CDH12: variants seen among roughly 807,000 people sequenced by gnomAD.
CDH12 encodes cadherin 12.
In CDH12, 41 loss-of-function variants were observed where a neutral mutation model predicts 74.1. The ratio of observed to expected loss-of-function variants is 0.55; its 90% CI spans 0.43 to 0.72. The LOEUF (loss-of-function observed/expected upper bound fraction) is 0.72. Ranked by LOEUF, CDH12 falls within the 30% of genes least tolerant of loss-of-function variation. The pLI, the probability that CDH12 is intolerant of heterozygous loss-of-function variation, is 0.00. For missense variants in CDH12, 945 were observed against 977.2 expected, an observed-to-expected ratio of 0.97 and a Z score of 0.44; for synonymous variants, 399 against 355.0, an observed-to-expected ratio of 1.12 and a Z score of -1.39.
chr5:22,546,207 G>T (rs1738320544), intron 1 of CDH12, among the ~76,000 whole-genome samples: 1 of 152,070 alleles, frequency 6.6e-6, no homozygotes, highest in Non-Finnish European at 1.5e-5. Flanking sequence ...GCCTCCCAAA[G>T]TGCTGGGATT....
chr5:21,895,107 T>G (rs1753062442), intron 6 of CDH12, among the ~76,000 whole-genome samples: 1 of 151,886 alleles, frequency 6.6e-6, no homozygotes, highest in South Asian at 2.1e-4. Context: ...GCTGTTCAGC[T>G]GCGCTCACTA....
Position 21,776,192 on chromosome 5 carries a change from C to T in CDH12, c.1393+7166G>A, listed in dbSNP as rs577913440. Among the ~76,000 whole-genome samples, 5 of 152,262 alleles carry T rather than the reference C, an allele frequency of 3.3e-5. No homozygotes were observed. The East Asian group carries it at 5.8e-4, about 18-fold the overall frequency. ...TGTGGCTGGAAACTGAGGGCAGCTT[C>T]GGATCAAACAGCAGTGTGGAATAGT... is the stretch of plus-strand genomic sequence containing the variant. On this transcript the variant is annotated intron_variant, in intron 11 of 14. Transcript: ENST00000382254.
At chr5:22,690,713 C>T (rs1469952811) in intron 1 of CDH12, among the ~76,000 whole-genome samples, 1 of 152,274 alleles carries the variant, frequency 6.6e-6, no homozygotes, top group South Asian at 2.1e-4. Context: ...GCACAAATCA[C>T]TTAGTCCCTC....
At chr5:22,138,103 C>G (rs1746563499) in intron 4 of CDH12, among the ~76,000 whole-genome samples, 1 of 151,976 alleles carries the variant, frequency 6.6e-6, no homozygotes, top group African/African-American at 2.4e-5. Context: ...AAAGCTTGCT[C>G]CCTTTGTGGT....
chr5:22,081,490 T>C (rs1742724640), intron 4 of CDH12, among the ~76,000 whole-genome samples: 2 of 152,144 alleles, frequency 1.3e-5, no homozygotes, highest in Non-Finnish European at 2.9e-5. Flanking sequence ...GGGAGATAAA[T>C]ACAAGGAGAA....
intron 4 of CDH12, among the ~76,000 whole-genome samples, chr5:22,117,875 C>T (rs1262554525): frequency 1.3e-5 from 2 of 151,578 alleles, no homozygotes; most frequent in Non-Finnish European, 2.9e-5. Context: ...TTAGAGTAGA[C>T]TTAACATAGA....
chr5:22,498,592 C>T (rs1240750679), intron 2 of CDH12, among the ~76,000 whole-genome samples: 1 of 151,758 alleles, frequency 6.6e-6, no homozygotes, highest in Non-Finnish European at 1.5e-5. Context: ...CCAAATATGT[C>T]TGTTTACAAA....
In CDH12 at chr5:21,895,126, C is replaced by A. The variant is rs111311840; in HGVS notation, c.527-40336G>T. ...TTCAGCTGCGCTCACTATAAAGGGACAGTAGTAGCCTATAGCACAGAGAAG... is the reference window on the plus strand; with the variant it reads ...TTCAGCTGCGCTCACTATAAAGGGAAAGTAGTAGCCTATAGCACAGAGAAG... On this transcript the variant is annotated intron_variant, in intron 6 of 14. Transcript: ENST00000382254. Among the ~76,000 whole-genome samples, 825 of 151,846 alleles carry A rather than the reference C, an allele frequency of 5.4e-3. 13 individuals carry two copies. The highest frequency in any genetic ancestry group is 0.019 in the African/African-American group (795 of 41,376).
chr5:22,798,188 G>T (rs542375303), intron 1 of CDH12, among the ~76,000 whole-genome samples: 1 of 152,000 alleles, frequency 6.6e-6, no homozygotes. Context: ...GACTTCTTCA[G>T]GTAATTCAAA....
At chr5:21,780,714 A>C (rs1561178800) in intron 11 of CDH12, among the ~76,000 whole-genome samples, 1 of 152,218 alleles carries the variant, frequency 6.6e-6, no homozygotes, top group African/African-American at 2.4e-5. Context: ...CACTGGAGTG[A>C]AAGTAACATG....
intron 6 of CDH12, chr5:21,883,306 T>A (rs1475427034): frequency 1.9e-5 from 28 of 1,492,700 alleles, no homozygotes; most frequent in Non-Finnish European, 2.4e-5. Context: ...AAATGTGAAT[T>A]CCAGGATGCC....
chr5:21,831,318 GC>G (rs1749008771), intron 8 of CDH12, among the ~76,000 whole-genome samples: 1 of 152,058 alleles, frequency 6.6e-6, no homozygotes, highest in African/African-American at 2.4e-5. Flanking sequence ...AAAGTTTCTG[GC>G]CCCATCTCTC....
chr5:22,079,366 C>G (rs1332524383), intron 4 of CDH12, among the ~76,000 whole-genome samples: 1 of 152,076 alleles, frequency 6.6e-6, no homozygotes, highest in Non-Finnish European at 1.5e-5. Context: ...TGCCATATAT[C>G]CCCTAGGGGA....
At chr5:22,090,643 A>G (rs968430535) in intron 4 of CDH12, among the ~76,000 whole-genome samples, 10 of 151,538 alleles carry the variant, frequency 6.6e-5, no homozygotes, top group Middle Eastern at 6.8e-3. Context: ...CTGAATACCA[A>G]TATCCCTTAT....
chr5:22,228,647 T>C (rs1011200511), intron 3 of CDH12, among the ~76,000 whole-genome samples: 3 of 152,176 alleles, frequency 2.0e-5, no homozygotes, highest in African/African-American at 7.2e-5. Flanking sequence ...ATTTTTCTCA[T>C]GAGACTGAGG....
chr5:21,856,399 A>T (rs550627148), intron 6 of CDH12, among the ~76,000 whole-genome samples: 359 of 151,870 alleles, frequency 2.4e-3, no homozygotes, highest in Non-Finnish European at 4.4e-3. Flanking sequence ...CTGGATATAA[A>T]TATTACAATT....
At chr5:21,932,719 C>T (rs1450508900) in intron 6 of CDH12, among the ~76,000 whole-genome samples, 1 of 151,608 alleles carries the variant, frequency 6.6e-6, no homozygotes, top group Admixed American at 6.6e-5. Context: ...GCCAACATGA[C>T]AAAACCCCAT....
intron 2 of CDH12, among the ~76,000 whole-genome samples, chr5:22,416,096 A>T: frequency 1.1e-5 from 1 of 90,072 alleles, no homozygotes; most frequent in Non-Finnish European, 1.9e-5. Context: ...TTTTTTTGAG[A>T]CGGAGTCTCG....
At chr5:22,738,080 A>G (rs1253541477) in intron 1 of CDH12, among the ~76,000 whole-genome samples, 1 of 152,000 alleles carries the variant, frequency 6.6e-6, no homozygotes, top group Non-Finnish European at 1.5e-5. Context: ...GAGCCCAGTC[A>G]GAGTTGATAA....
Sources: gnomAD v4.1 joint callset for allele counts (sites outside exome capture counted in the v4.1 genomes callset) on GRCh38, gnomAD v4.1.1 for gene constraint, MANE v1.5 for transcripts, NCBI Gene and HGNC (gene_info 2026-07-23, HGNC 2026-07-21) for gene names.